Variants in TENM2 observed in about 807,000 individuals in gnomAD.
The protein encoded by TENM2 is teneurin transmembrane protein 2, also known as teneurin-2.
In TENM2, 52 loss-of-function variants were observed where a neutral mutation model predicts 245.2. That is an observed-to-expected ratio of 0.21 (90% CI 0.17 to 0.27). TENM2 has a LOEUF of 0.27. Among genes scored for constraint, TENM2 ranks in the 10% least tolerant of loss-of-function variants. The pLI is 1.00. For missense variants in TENM2, 3,046 were observed against 3,666.8 expected (o/e 0.83, Z 4.37); for synonymous variants, 1,363 against 1,438.9 (o/e 0.95, Z 1.19).
At chr5:168,148,495 C>T (rs1756314120) in intron 12 of TENM2, among the ~76,000 whole-genome samples, 1 of 152,162 alleles carries the variant, frequency 6.6e-6, no homozygotes, top group African/African-American at 2.4e-5. Context: ...TCAGTGGCCT[C>T]CCCACCAAGT....
intron 2 of TENM2, among the ~76,000 whole-genome samples, chr5:167,777,990 C>T (rs1024276207): frequency 2.6e-5 from 4 of 152,188 alleles, no homozygotes; most frequent in Non-Finnish European, 4.4e-5. Context: ...CCATTCATTT[C>T]TTGGCTGGTC....
chr5:167,433,050 A>C (rs1006582672), intron 2 of TENM2, among the ~76,000 whole-genome samples: 20 of 152,296 alleles, frequency 1.3e-4, no homozygotes, highest in African/African-American at 4.1e-4. Context: ...TTGCTCTGCC[A>C]AAAGACAACA....
intron 25 of TENM2, among the ~76,000 whole-genome samples, chr5:168,241,273 T>C (rs79668308): frequency 6.8e-6 from 1 of 146,928 alleles, no homozygotes; most frequent in African/African-American, 2.5e-5. Flanking sequence ...TTTTTTTTTT[T>C]GAAACAGAGT....
At chr5:167,190,165 C>T in the TENM2 span, among the ~76,000 whole-genome samples, 3 of 151,994 alleles carry the variant, frequency 2.0e-5, no homozygotes, top group African/African-American at 7.2e-5. Context: ...AGAGTCACAG[C>T]CCTCCATTGA....
At chr5:167,771,587 G>A (rs544270560) in intron 2 of TENM2, among the ~76,000 whole-genome samples, 1 of 152,012 alleles carries the variant, frequency 6.6e-6, no homozygotes, top group African/African-American at 2.4e-5. Flanking sequence ...CTCATCCTAC[G>A]CTACTAAAAT....
intron 28 of TENM2, among the ~76,000 whole-genome samples, chr5:168,261,465 G>A (rs1401616434): frequency 6.6e-6 from 1 of 152,326 alleles, no homozygotes; most frequent in East Asian, 1.9e-4. Flanking sequence ...CTGGAGTGAG[G>A]CCTGAGATTC....
intron 2 of TENM2, among the ~76,000 whole-genome samples, chr5:167,508,013 G>A (rs950111546): frequency 2.0e-5 from 3 of 152,034 alleles, no homozygotes; most frequent in African/African-American, 7.2e-5. Context: ...CTGTGACTCA[G>A]CAGATAAAGA....
chr5:168,083,351 A>T (rs1408655849), intron 7 of TENM2, among the ~76,000 whole-genome samples: 1 of 152,160 alleles, frequency 6.6e-6, no homozygotes, highest in Admixed American at 6.5e-5. Flanking sequence ...ACCATCTGTC[A>T]TGGCTTCCCT....
chr5:167,790,719 G>A (rs775597516), intron 2 of TENM2, among the ~76,000 whole-genome samples: 2 of 152,132 alleles, frequency 1.3e-5, no homozygotes, highest in Non-Finnish European at 2.9e-5. Flanking sequence ...GAAAGAGGAG[G>A]CGCTCAGTTT....
chr5:168,102,973 G>T (rs1793941091), intron 9 of TENM2, among the ~76,000 whole-genome samples: 1 of 152,038 alleles, frequency 6.6e-6, no homozygotes, highest in Non-Finnish European at 1.5e-5. Context: ...TTGGTGTGCT[G>T]CACCCATTAA....
At chr5:166,989,531 C>T in the TENM2 span, among the ~76,000 whole-genome samples, 5 of 151,842 alleles carry the variant, frequency 3.3e-5, no homozygotes, top group African/African-American at 1.2e-4. Flanking sequence ...CAGGCATGAG[C>T]CACAGTGCCT....
At chr5:167,975,911 A>G (rs1782406509) in intron 4 of TENM2, among the ~76,000 whole-genome samples, 1 of 151,200 alleles carries the variant, frequency 6.6e-6, no homozygotes, top group Non-Finnish European at 1.5e-5. Flanking sequence ...GAGCAAATCT[A>G]TAATAAGCAA....
intron 2 of TENM2, among the ~76,000 whole-genome samples, chr5:167,767,816 G>A (rs1377154595): frequency 6.6e-6 from 1 of 152,210 alleles, no homozygotes; most frequent in East Asian, 1.9e-4. Flanking sequence ...GACCACACTT[G>A]TGGGGGTAAA....
intron 2 of TENM2, among the ~76,000 whole-genome samples, chr5:167,815,196 G>A: frequency 6.6e-6 from 1 of 152,094 alleles, no homozygotes; most frequent in East Asian, 1.9e-4. Flanking sequence ...CTTTCATAAG[G>A]CAGGATATTG....
intron 9 of TENM2, among the ~76,000 whole-genome samples, chr5:168,099,229 G>C (rs1378260911): frequency 2.0e-5 from 3 of 152,030 alleles, no homozygotes; most frequent in Admixed American, 2.0e-4. Flanking sequence ...TTTAATACCA[G>C]TTATTACCCA....
chr5:167,784,929 A>G (rs1329842791), intron 2 of TENM2, among the ~76,000 whole-genome samples: 1 of 152,008 alleles, frequency 6.6e-6, no homozygotes, highest in Non-Finnish European at 1.5e-5. Context: ...ACTCCAAATG[A>G]TTTCAATAAA....
chr5:167,639,335 C>T (rs1179663613), intron 2 of TENM2, among the ~76,000 whole-genome samples: 1 of 152,124 alleles, frequency 6.6e-6, no homozygotes, highest in African/African-American at 2.4e-5. Flanking sequence ...TGTGTATGCT[C>T]ATTTCTTATA....
At chr5:167,892,501 T>C (rs1346235867) in intron 3 of TENM2, among the ~76,000 whole-genome samples, 3 of 152,212 alleles carry the variant, frequency 2.0e-5, no homozygotes, top group African/African-American at 2.4e-5. Flanking sequence ...TAGCAAAGCA[T>C]AGATCATGAG....
At chr5:167,537,001 G>C (rs1303851939) in intron 2 of TENM2, among the ~76,000 whole-genome samples, 1 of 152,080 alleles carries the variant, frequency 6.6e-6, no homozygotes, top group Non-Finnish European at 1.5e-5. Context: ...TTCAGCCTGG[G>C]TGACAAGGGC....
Sources: gnomAD v4.1 joint callset for allele counts (sites outside exome capture counted in the v4.1 genomes callset) on GRCh38, gnomAD v4.1.1 for gene constraint, MANE v1.5 for transcripts, NCBI Gene and HGNC (gene_info 2026-07-23, HGNC 2026-07-21) for gene names.